Variants in SVEP1 observed in about 807,000 individuals in gnomAD.
SVEP1 encodes the protein sushi, von Willebrand factor type A, EGF and pentraxin domain-containing protein 1.
A neutral mutation model predicts 367.3 loss-of-function variants in SVEP1; 164 were observed. The observed-to-expected ratio is 0.45, with a 90% CI of 0.39 to 0.51. The LOEUF is 0.51. SVEP1 is among the 20% of genes least tolerant of loss of function. The pLI is 0.00. For synonymous variants in SVEP1, 1,666 were observed against 1,611.6 expected (o/e 1.03, Z -0.81); for missense variants, 4,117 against 4,425.3 (o/e 0.93, Z 1.98).
intron 27 of SVEP1, among the ~76,000 whole-genome samples, chr9:110,441,217 T>C (rs1288397489): frequency 6.6e-6 from 1 of 152,224 alleles, no homozygotes; most frequent in African/African-American, 2.4e-5. Context: ...TTCATCAAAA[T>C]TATCTTATTA....
At chr9:110,394,460 G>T (rs567624805) in intron 40 of SVEP1, among the ~76,000 whole-genome samples, 46 of 152,278 alleles carry the variant, frequency 3.0e-4, no homozygotes, top group African/African-American at 1.1e-3. Context: ...CTCCTCCAAA[G>T]GAACGCAGCT....
At chr9:110,445,723 C>T (rs1355116695) in intron 26 of SVEP1, 114 bp downstream of exon 26, 4 of 1,130,804 alleles carry the variant, frequency 3.5e-6, no homozygotes, top group Non-Finnish European at 5.1e-6. Context: ...TGACACCCTG[C>T]TGTTTTCTGG....
intron 43 of SVEP1, among the ~76,000 whole-genome samples, chr9:110,383,534 G>T: frequency 1.7e-5 from 1 of 59,582 alleles, no homozygotes; most frequent in African/African-American, 6.9e-5. Context: ...GTTGTGGGGG[G>T]GTCTCATCCG....
At chr9:110,486,448 T>C (rs1205557595) in intron 9 of SVEP1, among the ~76,000 whole-genome samples, 1 of 152,196 alleles carries the variant, frequency 6.6e-6, no homozygotes, top group Non-Finnish European at 1.5e-5. Flanking sequence ...GAAGCATTCC[T>C]GGCTTGACTC....
intron 6 of SVEP1, among the ~76,000 whole-genome samples, chr9:110,499,988 A>G (rs562444989): frequency 1.1e-3 from 167 of 152,344 alleles, no homozygotes; most frequent in Middle Eastern, 0.01. Context: ...GCATTATTCT[A>G]AGCACTTTGC....
At chr9:110,469,428 C>T (rs111434861) in intron 16 of SVEP1, among the ~76,000 whole-genome samples, 4,643 of 152,180 alleles carry the variant, frequency 0.031, 238 homozygotes, top group African/African-American at 0.11. Flanking sequence ...AAAGAAAAAG[C>T]TGATGGAGAA....
intron 1 of SVEP1, among the ~76,000 whole-genome samples, chr9:110,574,643 A>G (rs143047140): frequency 6.6e-6 from 1 of 151,834 alleles, no homozygotes; most frequent in East Asian, 1.9e-4. Context: ...TAAATCTTAT[A>G]TTTTAGTTAT....
At chr9:110,489,472 C>G (rs1338408726) in intron 9 of SVEP1, among the ~76,000 whole-genome samples, 178 bp downstream of exon 9, 2 of 152,126 alleles carry the variant, frequency 1.3e-5, no homozygotes, top group African/African-American at 2.4e-5. Context: ...GGAACTCCCC[C>G]TTATAAAACC....
rs572929270 is a variant in SVEP1, at chr9:110,394,869, C to T, written c.9823-5282G>A. 8.3e-3 allele frequency among the ~76,000 whole-genome samples: 1,267 copies of T among 152,228 alleles called. 21 individuals are homozygous for T. The highest frequency in any genetic ancestry group is 0.029 in the African/African-American group (1,211 of 41,544). On this transcript the variant is annotated intron_variant, in intron 40 of 47. Transcript: ENST00000374469. ...GGACTATGTGAAAAGACCAAATCTACGTCTGATTGGTGTACCTGAAAGTGA... is the reference window on the plus strand; with the variant it reads ...GGACTATGTGAAAAGACCAAATCTATGTCTGATTGGTGTACCTGAAAGTGA...
intron 27 of SVEP1, among the ~76,000 whole-genome samples, chr9:110,439,552 C>T (rs1381879751): frequency 6.6e-6 from 1 of 150,922 alleles, no homozygotes; most frequent in African/African-American, 2.5e-5. Flanking sequence ...TGCCACCACG[C>T]CCGGCTAATT....
At chr9:110,397,753 G>T (rs181627253) in intron 40 of SVEP1, among the ~76,000 whole-genome samples, 297 of 152,204 alleles carry the variant, frequency 2.0e-3, no homozygotes, top group African/African-American at 6.8e-3. Flanking sequence ...TTGCTTCAAA[G>T]GGAATAAAAT....
In SVEP1 at chr9:110,384,461, C is replaced by T. The variant is rs532861242; in HGVS notation, c.10237+1437G>A. 3.2e-4 allele frequency among the ~76,000 whole-genome samples: 48 copies of T among 152,062 alleles called. No homozygotes were observed. The South Asian group carries it at 4.8e-3, about 15-fold the overall frequency. On this transcript the variant is annotated intron_variant, in intron 43 of 47. Transcript: ENST00000374469. ...TGGGAGGCTCCGGCCACAGCTGTTTCTAGTTGGCCATCTTGAACCCCTCCC... is the reference window on the plus strand; with the variant it reads ...TGGGAGGCTCCGGCCACAGCTGTTTTTAGTTGGCCATCTTGAACCCCTCCC...
intron 36 of SVEP1, among the ~76,000 whole-genome samples, chr9:110,415,647 TAAGTA>T (rs945711155): frequency 3.3e-5 from 5 of 151,796 alleles, no homozygotes; most frequent in African/African-American, 9.7e-5. Flanking sequence ...AAATAGAAAA[TAAGTA>T]AAGAGAGATA....
Position 110,482,439 on chromosome 9 carries a change from C to T in SVEP1, c.2092G>A (p.Gly698Arg), listed in dbSNP as rs766163756. 2 of 1,603,730 alleles carry T rather than the reference C, an allele frequency of 1.2e-6. No homozygotes were observed. The highest frequency in any genetic ancestry group is 1.7e-6 in the Non-Finnish European group (2 of 1,174,604). The change falls in exon 11 of 48, where the codon GGG becomes AGG. Residue 698 changes from glycine (G) to arginine (R), a missense_variant. By Grantham distance (125) the Gly-to-Arg change is moderately radical. This residue lies in a region of SVEP1 where 2,174 missense variants were observed against 2,494.3 expected (regional missense o/e 0.87). Coordinates refer to ENST00000374469, the MANE Select transcript of SVEP1 (RefSeq NM_153366.4). The stretch of plus-strand genomic sequence containing the variant: ...GCTGTATACTGTACTATAGTCTCCC[C>T]TTGAGGGAAAAGGTCTCCTTGTGTA... ...SHTQGDLFPQGETIVQYTATD... is the reference protein window; with the variant it reads ...SHTQGDLFPQRETIVQYTATD...
intron 6 of SVEP1, 78 bp downstream of exon 6, chr9:110,502,960 T>C (rs1246635505): frequency 3.4e-6 from 5 of 1,470,446 alleles, no homozygotes; most frequent in East Asian, 2.3e-5. Context: ...TGTTTAGTTT[T>C]AGGTCTTCAC....
At chr9:110,433,017 G>C (rs540540504) in intron 30 of SVEP1, among the ~76,000 whole-genome samples, 7 of 152,022 alleles carry the variant, frequency 4.6e-5, no homozygotes, top group Non-Finnish European at 8.8e-5. Flanking sequence ...GTGAGTTCTC[G>C]TGAGATCTGG....
At chr9:110,434,956 G>A (rs895361306) in intron 29 of SVEP1, among the ~76,000 whole-genome samples, 4 of 150,982 alleles carry the variant, frequency 2.6e-5, no homozygotes, top group Non-Finnish European at 4.4e-5. Flanking sequence ...ATAGTATGTC[G>A]GTGGGCCTTG....
chr9:110,455,543 A>G (rs759187208), intron 22 of SVEP1, 47 bp downstream of exon 22: 1 of 1,395,068 alleles, frequency 7.2e-7, no homozygotes, highest in Admixed American at 2.0e-5. Flanking sequence ...TGAAATGTTA[A>G]TGATTCAAAG....
chr9:110,572,309 G>A (rs913082389), intron 1 of SVEP1, among the ~76,000 whole-genome samples: 1 of 152,222 alleles, frequency 6.6e-6, no homozygotes, highest in African/African-American at 2.4e-5. Flanking sequence ...GGAGGACAAA[G>A]CAGTTGGCTC....
Sources: gnomAD v4.1 joint callset for allele counts (sites outside exome capture counted in the v4.1 genomes callset) on GRCh38, gnomAD v4.1.1 for gene constraint, gnomAD v4.1.1 regional missense constraint, MANE v1.5 for transcripts, NCBI Gene and HGNC (gene_info 2026-07-23, HGNC 2026-07-21) for gene names.